The following CDH10 variants were observed in gnomAD, a reference collection of about 807,000 sequenced individuals.
CDH10 encodes the protein cadherin-10.
In CDH10, 30 loss-of-function variants were observed where a neutral mutation model predicts 73.1. The ratio of observed to expected loss-of-function variants is 0.41; its 90% CI spans 0.31 to 0.56. CDH10 has a LOEUF of 0.56. CDH10 is among the 20% of genes least tolerant of loss of function. CDH10 has a pLI of 0.27. For synonymous variants in CDH10, 345 were observed against 348.2 expected (o/e 0.99, Z 0.10); for missense variants, 815 against 973.7 (o/e 0.84, Z 2.17).
At chr5:24,511,859 T>G (rs1742925128) in intron 5 of CDH10, among the ~76,000 whole-genome samples, 1 of 152,128 alleles carries the variant, frequency 6.6e-6, no homozygotes, top group Non-Finnish European at 1.5e-5. Flanking sequence ...TGGAGGCCAT[T>G]ATCCTTAACA....
At chr5:24,589,879 T>A (rs1746141743) in intron 2 of CDH10, among the ~76,000 whole-genome samples, 1 of 152,092 alleles carries the variant, frequency 6.6e-6, no homozygotes, top group African/African-American at 2.4e-5. Context: ...AAAATATTTA[T>A]AGAAGGTTTC....
chr5:24,567,508 C>G (rs998253818), intron 2 of CDH10, among the ~76,000 whole-genome samples: 5 of 151,290 alleles, frequency 3.3e-5, no homozygotes, highest in Admixed American at 2.0e-4. Context: ...ATACAAGATC[C>G]TCAAAAAATA....
chr5:24,520,706 A>G (rs1292549458), intron 5 of CDH10, among the ~76,000 whole-genome samples: 1 of 152,128 alleles, frequency 6.6e-6, no homozygotes, highest in African/African-American at 2.4e-5. Flanking sequence ...AAACAAACAC[A>G]TATACAACAC....
intron 2 of CDH10, among the ~76,000 whole-genome samples, chr5:24,549,090 C>T (rs1172846304): frequency 6.6e-6 from 1 of 152,116 alleles, no homozygotes; most frequent in African/African-American, 2.4e-5. Flanking sequence ...TAAGTTTAAT[C>T]TTTCAGAGGC....
intron 9 of CDH10, among the ~76,000 whole-genome samples, chr5:24,495,906 C>T (rs899958007): frequency 6.6e-6 from 1 of 151,298 alleles, no homozygotes; most frequent in Non-Finnish European, 1.5e-5. Context: ...ACCCTTGAAC[C>T]CTTTTCAGTT....
intron 9 of CDH10, among the ~76,000 whole-genome samples, chr5:24,493,685 CTT>C (rs1742152114): frequency 1.3e-5 from 2 of 151,648 alleles, no homozygotes; most frequent in Non-Finnish European, 3.0e-5. Flanking sequence ...TGTTCTTTAA[CTT>C]ATATTTATAA....
chr5:24,561,737 C>A (rs1278202963), intron 2 of CDH10, among the ~76,000 whole-genome samples: 1 of 152,012 alleles, frequency 6.6e-6, no homozygotes, highest in Non-Finnish European at 1.5e-5. Flanking sequence ...ATAAGACAAC[C>A]AACAGTAAGA....
chr5:24,569,725 T>A (rs1458182419), intron 2 of CDH10, among the ~76,000 whole-genome samples: 3 of 152,014 alleles, frequency 2.0e-5, no homozygotes, highest in Non-Finnish European at 4.4e-5. Flanking sequence ...TTGGGGAGAT[T>A]CACTGTCATC....
intron 1 of CDH10, among the ~76,000 whole-genome samples, chr5:24,641,393 G>T (rs534875986): frequency 2.6e-5 from 4 of 152,038 alleles, no homozygotes; most frequent in African/African-American, 9.6e-5. Context: ...GGTAAATGCA[G>T]AAAATTATAT....
At chr5:24,539,377 CT>C (rs1218969516) in intron 2 of CDH10, among the ~76,000 whole-genome samples, 2 of 151,864 alleles carry the variant, frequency 1.3e-5, no homozygotes, top group Admixed American at 1.3e-4. Context: ...GAACTTGCCC[CT>C]GAAAACATTT....
chr5:24,565,024 C>A (rs753519841), intron 2 of CDH10, among the ~76,000 whole-genome samples: 9 of 152,136 alleles, frequency 5.9e-5, no homozygotes, highest in Non-Finnish European at 1.3e-4. Context: ...CTTACCTCTC[C>A]TGACTCTCTA....
intron 2 of CDH10, among the ~76,000 whole-genome samples, chr5:24,575,306 G>A (rs1192254946): frequency 7.3e-6 from 1 of 136,742 alleles, no homozygotes; most frequent in Non-Finnish European, 1.6e-5. Flanking sequence ...AGGTTGCAGC[G>A]AGCTGTGGTC....
At chr5:24,635,331 G>A (rs1220806134) in intron 1 of CDH10, among the ~76,000 whole-genome samples, 1 of 151,968 alleles carries the variant, frequency 6.6e-6, no homozygotes, top group Non-Finnish European at 1.5e-5. Flanking sequence ...ATCTGAGAAA[G>A]GAAACATTAC....
chr5:24,510,291 A>G (rs562786465), intron 6 of CDH10, among the ~76,000 whole-genome samples: 1 of 152,352 alleles, frequency 6.6e-6, no homozygotes, highest in South Asian at 2.1e-4. Flanking sequence ...CTTGGAGACT[A>G]ATATACAACT....
At chr5:24,618,624 T>A (rs1747202695) in intron 1 of CDH10, among the ~76,000 whole-genome samples, 1 of 152,192 alleles carries the variant, frequency 6.6e-6, no homozygotes, top group African/African-American at 2.4e-5. Flanking sequence ...GCCAACTGAT[T>A]AAGCGAATAG....
intron 1 of CDH10, among the ~76,000 whole-genome samples, chr5:24,600,705 C>G (rs375289197): frequency 1.4e-4 from 21 of 151,962 alleles, no homozygotes; most frequent in African/African-American, 5.1e-4. Context: ...AGAGAAAGTG[C>G]GTTTCATGAA....
At chr5:24,598,262 T>C (rs186788384) in intron 1 of CDH10, among the ~76,000 whole-genome samples, 4 of 152,074 alleles carry the variant, frequency 2.6e-5, no homozygotes, top group African/African-American at 9.6e-5. Flanking sequence ...ATATGCTTGA[T>C]CATATTATCC....
chr5:24,535,716 C>T lies in CDH10; in HGVS notation c.633G>A (p.Val211=), dbSNP rs1366090968. Residue 211 remains valine (V), a synonymous_variant, in exon 4 of 12, where the codon GTG becomes GTA. Transcript: ENST00000264463. ...SILQGQPYFS[V]EPETGIIRTA... ...ATGATTCCTGACCTGTTTCAGGCTC[C>T]ACAGAGAAATAGGGCTGCCCTTGAA... 1 of 1,610,884 alleles carries T rather than the reference C, an allele frequency of 6.2e-7. No individual in the cohort carries two copies. The highest frequency in any genetic ancestry group is 8.5e-7 in the Non-Finnish European group (1 of 1,178,242).
intron 1 of CDH10, among the ~76,000 whole-genome samples, chr5:24,618,369 T>C (rs905973845): frequency 3.3e-5 from 5 of 152,208 alleles, no homozygotes; most frequent in African/African-American, 9.6e-5. Flanking sequence ...GAGTGTTTCA[T>C]TGCCATTTGT....
Sources: allele counts gnomAD v4.1 joint callset (sites outside exome capture counted in the v4.1 genomes callset), GRCh38; gene constraint gnomAD v4.1.1; transcripts MANE v1.5; gene names NCBI Gene and HGNC (gene_info 2026-07-23, HGNC 2026-07-21).